ADAMTSL3: variants seen among roughly 807,000 people sequenced by gnomAD.
The protein encoded by ADAMTSL3 is ADAMTS like 3.
In ADAMTSL3, 128 loss-of-function variants were observed where a neutral mutation model predicts 201.7. That is an observed-to-expected ratio of 0.63 (90% CI 0.55 to 0.73). The LOEUF (loss-of-function observed/expected upper bound fraction) is 0.73. Ranked by LOEUF, ADAMTSL3 falls within the 30% of genes least tolerant of loss-of-function variation. The pLI is 0.00. For synonymous variants in ADAMTSL3, 738 were observed against 748.4 expected (o/e 0.99, Z 0.23); for missense variants, 1,990 against 2,119.6 (o/e 0.94, Z 1.20).
At chr15:83,790,224 A>T (rs868559990) in intron 4 of ADAMTSL3, among the ~76,000 whole-genome samples, 4 of 147,122 alleles carry the variant, frequency 2.7e-5, no homozygotes, top group South Asian at 2.3e-4. Flanking sequence ...ATACTTTCCA[A>T]TTCATTTTAT....
At chr15:83,688,189 C>T (rs1480004741) in intron 2 of ADAMTSL3, among the ~76,000 whole-genome samples, 1 of 152,148 alleles carries the variant, frequency 6.6e-6, no homozygotes, top group Non-Finnish European at 1.5e-5. Flanking sequence ...ACAGTCAGGA[C>T]TGATGAGAAA....
chr15:83,885,819 G>A (rs2065378391), intron 10 of ADAMTSL3, among the ~76,000 whole-genome samples: 1 of 152,004 alleles, frequency 6.6e-6, no homozygotes, highest in African/African-American at 2.4e-5. Flanking sequence ...CCGCCTCCCA[G>A]GTTTAAGCGA....
At chr15:83,818,485 C>G (rs985036289) in intron 5 of ADAMTSL3, among the ~76,000 whole-genome samples, 7 of 152,140 alleles carry the variant, frequency 4.6e-5, no homozygotes, top group Non-Finnish European at 8.8e-5. Context: ...CGCCACCACA[C>G]CCAGCTAATT....
chr15:83,810,653 T>C (rs1431199569), intron 5 of ADAMTSL3, among the ~76,000 whole-genome samples: 1 of 152,256 alleles, frequency 6.6e-6, no homozygotes, highest in African/African-American at 2.4e-5. Context: ...TCCCAGCTTC[T>C]AGAGGCCACC....
chr15:83,759,019 G>A (rs2062765589), intron 3 of ADAMTSL3, among the ~76,000 whole-genome samples: 1 of 152,130 alleles, frequency 6.6e-6, no homozygotes, highest in African/African-American at 2.4e-5. Context: ...GGCATTAGAT[G>A]TTGCTGTGGA....
In ADAMTSL3 at chr15:84,021,611, T is replaced by C; in HGVS notation, c.4457+18T>C. ...CCAGCGAGGTAAGTGAAGTCACTCT[T>C]TGTATCTCATCAACACCAAGTTTTT... On this transcript the variant is annotated intron_variant, in intron 26 of 29. Transcript: ENST00000286744. 1.2e-6 allele frequency: 2 copies of C among 1,610,016 alleles called. No individual in the cohort carries two copies. The highest frequency in any genetic ancestry group is 1.7e-6 in the Non-Finnish European group (2 of 1,177,508).
intron 19 of ADAMTSL3, among the ~76,000 whole-genome samples, chr15:83,950,937 A>G (rs1397840734): frequency 6.6e-6 from 1 of 151,066 alleles, no homozygotes; most frequent in Non-Finnish European, 1.5e-5. Flanking sequence ...AGATCATATC[A>G]TCTGGGAACA....
chr15:83,858,688 C>A (rs2064792364), intron 7 of ADAMTSL3, 78 bp from the exon 8 acceptor site: 2 of 1,132,112 alleles, frequency 1.8e-6, no homozygotes, highest in Non-Finnish European at 2.6e-6. Flanking sequence ...CAGACGCCCC[C>A]AGTTTTGATT....
At chr15:83,859,658 T>C (rs941133649) in intron 8 of ADAMTSL3, among the ~76,000 whole-genome samples, 1 of 152,198 alleles carries the variant, frequency 6.6e-6, no homozygotes, top group Non-Finnish European at 1.5e-5. Context: ...GAATTCAAGA[T>C]TTTCCCTTAT....
chr15:83,810,476 G>C (rs777009490), intron 5 of ADAMTSL3, among the ~76,000 whole-genome samples: 24 of 152,132 alleles, frequency 1.6e-4, no homozygotes, highest in Non-Finnish European at 1.5e-4. Context: ...TGTTTTTATT[G>C]TTGTGGTAAC....
chr15:83,835,801 G>C (rs1211236201), intron 6 of ADAMTSL3, among the ~76,000 whole-genome samples: 1 of 152,214 alleles, frequency 6.6e-6, no homozygotes, highest in Non-Finnish European at 1.5e-5. Flanking sequence ...TTAATGGCCT[G>C]TGTAACTGGG....
intron 5 of ADAMTSL3, among the ~76,000 whole-genome samples, chr15:83,819,522 C>T (rs992052386): frequency 1.3e-5 from 2 of 151,898 alleles, no homozygotes; most frequent in African/African-American, 4.8e-5. Flanking sequence ...CAAAGTTTGC[C>T]ATCTAAGTCT....
At chr15:83,914,205 A>G (rs1175491587) in intron 16 of ADAMTSL3, among the ~76,000 whole-genome samples, 1 of 152,052 alleles carries the variant, frequency 6.6e-6, no homozygotes, top group Non-Finnish European at 1.5e-5. Context: ...TCTGCTCTTG[A>G]TCCAGCCAAT....
chr15:84,015,117 TG>T (rs1398906217), intron 24 of ADAMTSL3, among the ~76,000 whole-genome samples: 1 of 152,160 alleles, frequency 6.6e-6, no homozygotes, highest in African/African-American at 2.4e-5. Flanking sequence ...AGCTAATTTT[TG>T]TATTTTTAGT....
chr15:83,764,921 C>T (rs1318110445), intron 3 of ADAMTSL3, among the ~76,000 whole-genome samples: 1 of 152,074 alleles, frequency 6.6e-6, no homozygotes, highest in Non-Finnish European at 1.5e-5. Flanking sequence ...GCACAAACAG[C>T]CTAGAGGAGC....
chr15:83,782,968 ATAT>A, intron 4 of ADAMTSL3, among the ~76,000 whole-genome samples: 1 of 140,882 alleles, frequency 7.1e-6, no homozygotes, highest in African/African-American at 2.8e-5. Context: ...ATATATACAT[ATAT>A]TATATATATA....
chr15:84,025,689 C>T, intron 27 of ADAMTSL3: 1 of 377,776 alleles, frequency 2.6e-6, no homozygotes, highest in Non-Finnish European at 4.8e-6. Flanking sequence ...CCAAGTTAGA[C>T]CAGTTTAGGG....
intron 3 of ADAMTSL3, among the ~76,000 whole-genome samples, chr15:83,770,573 T>G (rs993466594): frequency 6.6e-6 from 1 of 152,246 alleles, no homozygotes. Context: ...AACCTATCAG[T>G]CTTTTCCCTT....
chr15:83,760,043 T>G (rs72746920), intron 3 of ADAMTSL3, among the ~76,000 whole-genome samples: 2,273 of 152,252 alleles, frequency 0.015, 29 homozygotes, highest in Non-Finnish European at 0.025. Context: ...TATTTTTGTT[T>G]TCCATTTCAT....
Sources: gnomAD v4.1 joint callset for allele counts (sites outside exome capture counted in the v4.1 genomes callset) on GRCh38, gnomAD v4.1.1 for gene constraint, MANE v1.5 for transcripts, NCBI Gene and HGNC (gene_info 2026-07-23, HGNC 2026-07-21) for gene names.